The following PATJ variants were observed in gnomAD, a reference collection of about 807,000 sequenced individuals.
PATJ encodes the protein PATJ crumbs cell polarity complex component.
A neutral mutation model predicts 224.9 loss-of-function variants in PATJ; 190 were observed. The observed-to-expected ratio is 0.84, with a 90% CI of 0.75 to 0.95. The LOEUF (loss-of-function observed/expected upper bound fraction) is 0.95. Among genes scored for constraint, PATJ ranks in the 40% least tolerant of loss-of-function variants. PATJ has a pLI of 0.00. For missense variants in PATJ, 2,121 were observed against 2,270.3 expected, an observed-to-expected ratio of 0.93 and a Z score of 1.34; for synonymous variants, 769 against 820.3, an observed-to-expected ratio of 0.94 and a Z score of 1.07.
intron 31 of PATJ, 104 bp downstream of exon 31, chr1:62,051,162 G>A (rs1440486081): frequency 1.2e-6 from 1 of 828,340 alleles, no homozygotes; most frequent in Non-Finnish European, 1.9e-6. Flanking sequence ...GCTTCTCTCA[G>A]GAATCTTCGT....
chr1:62,163,451 T>G lies in PATJ; in HGVS notation c.*2397T>G, dbSNP rs1480389695. On this transcript the variant is annotated 3_prime_UTR_variant, in exon 44 of 44. Transcript: ENST00000642238. ...ATATATACATATAATAGTTTTGAAATGGGATTCTGCTTTATTTTGATGGAA... is the reference window on the plus strand; with the variant it reads ...ATATATACATATAATAGTTTTGAAAGGGGATTCTGCTTTATTTTGATGGAA... 6.6e-6 allele frequency: 1 copy of G among 152,610 alleles called. No homozygotes were observed. The highest frequency in any genetic ancestry group is 6.5e-5 in the Admixed American group (1 of 15,268). The allele number at this position is 152,610 out of a possible 1,614,324, so 9.5% of individuals were successfully genotyped here. A position where few individuals can be genotyped will look rare whatever the true frequency, so the allele number is the denominator to read the frequency against.
chr1:61,861,496 C>A, intron 18 of PATJ, 55 bp from the exon 19 acceptor site: 1 of 801,166 alleles, frequency 1.2e-6, no homozygotes. Context: ...CCTCCCCTTG[C>A]TCCCCACCCC....
chr1:61,914,428 C>T lies in PATJ; in HGVS notation c.3493-159C>T, dbSNP rs552430042. Among the ~76,000 whole-genome samples the T allele has an allele frequency of 3.9e-5, 6 of 152,122 alleles. 1 individual carries two copies. Among genetic ancestry groups the T allele is most frequent in the African/African-American group, 1.4e-4 (6 of 41,488 alleles). On this transcript the variant is annotated intron_variant, in intron 25 of 43. Coordinates refer to ENST00000642238, the MANE Select transcript of PATJ (RefSeq NM_001350145.3). ...CAGAGATTGTGCCATTGCACTCCAGCCTGGGTGACAAGAGCGAATCTCCAT... is the reference window on the plus strand; with the variant it reads ...CAGAGATTGTGCCATTGCACTCCAGTCTGGGTGACAAGAGCGAATCTCCAT...
intron 29 of PATJ, among the ~76,000 whole-genome samples, chr1:62,036,349 G>A (rs1650375997): frequency 2.6e-5 from 4 of 152,186 alleles, no homozygotes; most frequent in Admixed American, 2.6e-4. Flanking sequence ...GTGGTTGGAA[G>A]TACAGATGAG....
chr1:61,908,607 G>T, intron 25 of PATJ, 125 bp downstream of exon 25: 1 of 626,704 alleles, frequency 1.6e-6, no homozygotes. Flanking sequence ...TAAAGTATGA[G>T]CTTCATAAAA....
At chr1:62,064,069 G>A (rs1462148878) in intron 31 of PATJ, among the ~76,000 whole-genome samples, 1 of 152,148 alleles carries the variant, frequency 6.6e-6, no homozygotes, top group Non-Finnish European at 1.5e-5. Flanking sequence ...GGGCATCCTT[G>A]TCTTGTTCCA....
chr1:61,762,934 C>A lies in PATJ; in HGVS notation c.22+20C>A, dbSNP rs1465167699. 2 of 1,511,890 alleles carry A rather than the reference C, an allele frequency of 1.3e-6. No homozygotes were observed. Among genetic ancestry groups the A allele is most frequent in the Non-Finnish European group, 1.8e-6 (2 of 1,103,358 alleles). 93.7% of individuals were successfully genotyped at this position (1,511,890 alleles called of 1,614,324 possible). On this transcript the variant is annotated intron_variant, in intron 2 of 43. Coordinates refer to ENST00000642238, the MANE Select transcript of PATJ (RefSeq NM_001350145.3). ...CTACAGGTATACTGGATATATTGTT[C>A]TATAATTAAATTAATTATTTAAAAA...
intron 43 of PATJ, 68 bp from the exon 44 acceptor site, chr1:62,160,840 G>T: frequency 6.5e-7 from 1 of 1,543,078 alleles, no homozygotes; most frequent in South Asian, 1.2e-5. Context: ...GATGTTAGAG[G>T]TTTTAATATC....
intron 29 of PATJ, among the ~76,000 whole-genome samples, chr1:62,032,202 T>C (rs1282665947): frequency 6.6e-6 from 1 of 152,110 alleles, no homozygotes; most frequent in Non-Finnish European, 1.5e-5. Flanking sequence ...CTCTATTTTC[T>C]TGCTGGTTCT....
intron 28 of PATJ, among the ~76,000 whole-genome samples, chr1:62,008,911 G>A (rs1183321515): frequency 6.6e-6 from 1 of 152,058 alleles, no homozygotes; most frequent in Non-Finnish European, 1.5e-5. Flanking sequence ...ATCAAATCAG[G>A]AATAAAGATA....
At chr1:61,797,261 G>GT (rs776017368) in intron 10 of PATJ, 26 bp from the exon 11 acceptor site, 2 of 1,598,150 alleles carry the variant, frequency 1.3e-6, no homozygotes, top group Non-Finnish European at 1.7e-6. Context: ...TAAAACCTCT[G>GT]CTTAATGTTT....
chr1:61,775,335 G>T lies in PATJ; in HGVS notation c.849+1G>T, dbSNP rs1487974020. The T allele has an allele frequency of 6.2e-7, 1 of 1,605,012 alleles. No individual in the cohort carries two copies. Among genetic ancestry groups the T allele is most frequent in the Non-Finnish European group, 8.5e-7 (1 of 1,177,348 alleles). On this transcript the variant is annotated splice_donor_variant, in intron 7 of 43. Coordinates refer to ENST00000642238, the MANE Select transcript of PATJ (RefSeq NM_001350145.3). LOFTEE classifies it high-confidence loss of function. ...AGTTCCTGGAGGATTAGCAGATCGA[G>T]TAAGTCAACCTTCCTTGTTATCATT... is the stretch of plus-strand genomic sequence containing the variant.
At chr1:62,055,421 G>T (rs182852581) in intron 31 of PATJ, among the ~76,000 whole-genome samples, 42 of 152,328 alleles carry the variant, frequency 2.8e-4, no homozygotes, top group Admixed American at 2.0e-3. Context: ...AATCACTGGA[G>T]CTAGACTACT....
Position 62,127,969 on chromosome 1 carries a change from T to G in PATJ, c.5044-3T>G. ...AAAGCATTATGTTTTCTTCCTTTTT[T>G]AGGAGCTCAGTGATGCCCTTGGAAT... On this transcript the variant is annotated splice_polypyrimidine_tract_variant and splice_region_variant and intron_variant, in intron 39 of 43. Coordinates refer to ENST00000642238, the MANE Select transcript of PATJ (RefSeq NM_001350145.3). 1 of 1,613,958 alleles carries G rather than the reference T, an allele frequency of 6.2e-7. No individual in the cohort carries two copies. Among genetic ancestry groups the G allele is most frequent in the Non-Finnish European group, 8.5e-7 (1 of 1,179,856 alleles).
At chr1:62,048,712 C>G (rs1315737975) in intron 30 of PATJ, among the ~76,000 whole-genome samples, 1 of 151,998 alleles carries the variant, frequency 6.6e-6, no homozygotes, top group Non-Finnish European at 1.5e-5. Flanking sequence ...TATTTTTAAT[C>G]TGGTATTTTA....
rs78876739 is a variant in PATJ at position 61,891,892 on chromosome 1, T to G, written c.3131+7484T>G. 5.4e-3 allele frequency among the ~76,000 whole-genome samples: 820 copies of G among 152,370 alleles called. 6 individuals carry two copies. The highest frequency in any genetic ancestry group is 9.3e-3 in the Non-Finnish European group (632 of 68,036). On this transcript the variant is annotated intron_variant, in intron 22 of 43. Transcript: ENST00000642238. ...CCCAGAAAGTCCTCCTGCCCCTTTG[T>G]GTGTCTTGCACCAGGCAACCACTAA...
intron 24 of PATJ, among the ~76,000 whole-genome samples, chr1:61,905,757 C>T (rs1230410869): frequency 3.3e-5 from 5 of 152,122 alleles, no homozygotes; most frequent in Non-Finnish European, 7.4e-5. Flanking sequence ...AACCTTTTCC[C>T]TTTACTCTCA....
intron 29 of PATJ, among the ~76,000 whole-genome samples, chr1:62,030,573 T>C (rs1046610675): frequency 9.2e-5 from 14 of 152,190 alleles, no homozygotes; most frequent in African/African-American, 3.4e-4. Context: ...GTCTTAAGTC[T>C]ATTGAGTTTT....
chr1:61,801,375 T>C (rs1482840120), intron 11 of PATJ, among the ~76,000 whole-genome samples: 1 of 152,220 alleles, frequency 6.6e-6, no homozygotes, highest in Non-Finnish European at 1.5e-5. Context: ...GTTTAGTTCC[T>C]TATTCTTTTC....
Sources: gnomAD v4.1 joint callset for allele counts (sites outside exome capture counted in the v4.1 genomes callset) on GRCh38, gnomAD v4.1.1 for gene constraint, MANE v1.5 for transcripts, NCBI Gene and HGNC (gene_info 2026-07-23, HGNC 2026-07-21) for gene names.